Variants in ZC3H14 observed in about 807,000 individuals in gnomAD.
The protein encoded by ZC3H14 is zinc finger CCCH-type containing 14.
In ZC3H14, 31 loss-of-function variants were observed where a neutral mutation model predicts 92.4. The ratio of observed to expected loss-of-function variants is 0.34; its 90% confidence interval spans 0.25 to 0.45. The LOEUF (loss-of-function observed/expected upper bound fraction) is 0.45, where lower values mean the gene tolerates loss of function less well. Ranked by LOEUF, ZC3H14 falls within the 20% of genes least tolerant of loss-of-function variation. ZC3H14 has a pLI of 1.00. For missense variants in ZC3H14, 781 were observed against 897.3 expected (o/e 0.87, Z 1.66); for synonymous variants, 321 against 300.9 (o/e 1.07, Z -0.69).
At chr14:88,566,023 ACCCCG>A (rs2079540519) in intron 2 of ZC3H14, among the ~76,000 whole-genome samples, 1 of 2,914 alleles carries the variant, frequency 3.4e-4, no homozygotes, top group Non-Finnish European at 9.7e-4. Context: ...ACCTGCCACC[ACCCCG>A]CCCCCCCCCC....
rs192842034 is a variant in ZC3H14, at chr14:88,625,754, C to T, written c.*14003C>T. The T allele has an allele frequency of 1.3e-5, 2 of 152,302 alleles. No homozygotes were observed. Among genetic ancestry groups the T allele is most frequent in the East Asian group, 3.9e-4 (2 of 5,186 alleles). 9.4% of individuals were successfully genotyped at this position (152,302 alleles called of 1,614,324 possible). On this transcript the variant is annotated 3_prime_UTR_variant, in exon 17 of 17. Transcript: ENST00000251038. ...TATTAAGAATACCCAAAATGTTCAA[C>T]TGAAATTTGACATGGCACAAACATT...
At chr14:88,566,353 G>A (rs2139469509) in intron 2 of ZC3H14, among the ~76,000 whole-genome samples, 1 of 151,990 alleles carries the variant, frequency 6.6e-6, no homozygotes, top group Admixed American at 6.6e-5. Flanking sequence ...CAAAGAAGGG[G>A]CCCAAGACCA....
Position 88,617,603 on chromosome 14 carries a change from C to G in ZC3H14, c.*5852C>G, listed in dbSNP as rs2087902171. On this transcript the variant is annotated 3_prime_UTR_variant, in exon 17 of 17. Coordinates refer to ENST00000251038, the MANE Select transcript of ZC3H14 (RefSeq NM_024824.5). The stretch of plus-strand genomic sequence containing the variant: ...GGGCAATATTGTGAGATCCCTATCT[C>G]TACAAAAATAAAAATGACTTATGAC... 1 of 151,998 alleles carries G rather than the reference C, an allele frequency of 6.6e-6. No individual in the cohort carries two copies. The highest frequency in any genetic ancestry group is 2.1e-4 in the South Asian group (1 of 4,824). 9.4% of individuals were successfully genotyped at this position (151,998 alleles called of 1,614,324 possible). A position where few individuals can be genotyped will look rare whatever the true frequency, so the allele number is the denominator to read the frequency against.
rs768835036 is a variant in ZC3H14, at chr14:88,626,911, A to G, written c.*15160A>G. The G allele has an allele frequency of 2.3e-5, 37 of 1,613,906 alleles. No individual in the cohort carries two copies. The highest frequency in any genetic ancestry group is 3.0e-5 in the Non-Finnish European group (35 of 1,179,876). ...TGTGCTCAGTAGCCCTTTTTTGCTA[A>G]GAAGAGCTCTTCCTGCCAGGGTCCA... On this transcript the variant is annotated 3_prime_UTR_variant, in exon 17 of 17. Coordinates refer to ENST00000251038, the MANE Select transcript of ZC3H14 (RefSeq NM_024824.5).
At chr14:88,581,316 T>C (rs934463945) in intron 9 of ZC3H14, among the ~76,000 whole-genome samples, 1 of 152,120 alleles carries the variant, frequency 6.6e-6, no homozygotes, top group Non-Finnish European at 1.5e-5. Context: ...CCCAGCACTT[T>C]GGGAAGCCGA....
At chr14:88,604,897 A>T in intron 12 of ZC3H14, among the ~76,000 whole-genome samples, 1 of 152,120 alleles carries the variant, frequency 6.6e-6, no homozygotes, top group East Asian at 1.9e-4. Context: ...CCTGGCCTAT[A>T]GCTTTCAATA....
Position 88,616,086 on chromosome 14 carries a change from TA to T in ZC3H14, c.*4337del. 4.5e-6 allele frequency: 7 copies of T among 1,565,114 alleles called. No homozygotes were observed. The highest frequency in any genetic ancestry group is 6.2e-6 in the Non-Finnish European group (7 of 1,136,000). Reference sequence around the variant, plus strand: ...ACCAAAGCTGTAGGAGTTGTTGTATTAAGTCTCTTAACTAGTAACATAGTCT... The same window carrying T: ...ACCAAAGCTGTAGGAGTTGTTGTATTAGTCTCTTAACTAGTAACATAGTCT... On this transcript the variant is annotated 3_prime_UTR_variant, in exon 17 of 17. Coordinates refer to ENST00000251038, the MANE Select transcript of ZC3H14 (RefSeq NM_024824.5).
At chr14:88,584,252 G>A (rs2082235938) in intron 9 of ZC3H14, among the ~76,000 whole-genome samples, 1 of 152,090 alleles carries the variant, frequency 6.6e-6, no homozygotes, top group African/African-American at 2.4e-5. Context: ...ACACTTATAT[G>A]TGGATTTTTG....
chr14:88,605,451 C>A (rs897857180), intron 12 of ZC3H14, among the ~76,000 whole-genome samples: 3 of 152,190 alleles, frequency 2.0e-5, no homozygotes, highest in African/African-American at 7.2e-5. Context: ...CCCACCTCAG[C>A]CTCCTGAGTA....
chr14:88,579,518 A>T (rs2081620076), intron 9 of ZC3H14, among the ~76,000 whole-genome samples: 1 of 152,232 alleles, frequency 6.6e-6, no homozygotes, highest in Admixed American at 6.5e-5. Flanking sequence ...TTCTTCAAAC[A>T]CAGGACTCTA....
chr14:88,608,993 TTTA>T (rs2086090145), intron 13 of ZC3H14: 1 of 440,888 alleles, frequency 2.3e-6, no homozygotes, highest in African/African-American at 2.0e-5. Flanking sequence ...ATATACCTTT[TTTA>T]TTAAGTGGTG....
Position 88,575,830 on chromosome 14 carries a change from A to T in ZC3H14, c.1023-10A>T. 6.2e-7 allele frequency: 1 copy of T among 1,606,444 alleles called. No individual in the cohort carries two copies. On this transcript the variant is annotated splice_polypyrimidine_tract_variant and intron_variant, in intron 7 of 16. Coordinates refer to ENST00000251038, the MANE Select transcript of ZC3H14 (RefSeq NM_024824.5). ...AAGTTTAATAAAAATACCTTTCTTA[A>T]CTCTTTTAGACCTTCTCTTCCACCT...
chr14:88,572,999 A>G lies in ZC3H14; in HGVS notation c.853A>G (p.Ser285Gly). The G allele has an allele frequency of 6.2e-7, 1 of 1,613,978 alleles. No individual in the cohort carries two copies. Among genetic ancestry groups the G allele is most frequent in the Non-Finnish European group, 8.5e-7 (1 of 1,180,028 alleles). The change falls in exon 6 of 17, where the codon AGT becomes GGT. Residue 285 changes from serine to glycine, a missense_variant. By Grantham distance (56) the Ser-to-Gly change is moderately conservative. This residue lies in a region of ZC3H14 where 454 missense variants were observed against 438.5 expected (regional missense o/e 1.04). Transcript: ENST00000251038. ...PFFRNNSEKM[S>G]MEDENFRKRK... Reference sequence around the variant, plus strand: ...CTTTAGAAACAACTCGGAGAAAATGAGTATGGAGGTTTGTATGTACTTTTA... The same window carrying G: ...CTTTAGAAACAACTCGGAGAAAATGGGTATGGAGGTTTGTATGTACTTTTA...
intron 13 of ZC3H14, 152 bp from the exon 14 acceptor site, chr14:88,609,115 T>C (rs1430264601): frequency 4.4e-6 from 4 of 906,218 alleles, no homozygotes; most frequent in Non-Finnish European, 5.0e-6. Flanking sequence ...TATTTTGATA[T>C]ATGGTCTTAT....
intron 10 of ZC3H14, among the ~76,000 whole-genome samples, chr14:88,599,381 C>T (rs1566961442): frequency 6.6e-6 from 1 of 152,142 alleles, no homozygotes; most frequent in Non-Finnish European, 1.5e-5. Flanking sequence ...AAAAACAAAA[C>T]CCTTATTGAC....
chr14:88,572,520 G>C (rs1466727686), intron 5 of ZC3H14, 58 bp from the exon 6 acceptor site: 11 of 1,592,778 alleles, frequency 6.9e-6, no homozygotes, highest in Non-Finnish European at 9.5e-6. Flanking sequence ...ATTCTTTAAA[G>C]ATTTGGTGAT....
intron 3 of ZC3H14, among the ~76,000 whole-genome samples, chr14:88,569,238 T>G (rs2080087025): frequency 6.6e-6 from 1 of 152,178 alleles, no homozygotes; most frequent in African/African-American, 2.4e-5. Flanking sequence ...CTGGGTTGGC[T>G]TCTTACATTG....
rs1427982544 is a variant in ZC3H14, at chr14:88,612,829, T to G, written c.*1078T>G. 1 of 152,580 alleles carries G rather than the reference T, an allele frequency of 6.6e-6. No homozygotes were observed. The highest frequency in any genetic ancestry group is 1.9e-4 in the East Asian group (1 of 5,200). The allele number at this position is 152,580 out of a possible 1,614,324, so 9.5% of individuals were successfully genotyped here. A position where few individuals can be genotyped will look rare whatever the true frequency, so the allele number is the denominator to read the frequency against. On this transcript the variant is annotated 3_prime_UTR_variant, in exon 17 of 17. Coordinates refer to ENST00000251038, the MANE Select transcript of ZC3H14 (RefSeq NM_024824.5). ...TTTAAAACTGTTAAGGCAAGAAGTG[T>G]CAAATGCTTTAGAGTTAAATAACAG...
chr14:88,572,011 A>G lies in ZC3H14; in HGVS notation c.236-19A>G. 7.0e-6 allele frequency: 11 copies of G among 1,569,912 alleles called. No homozygotes were observed. Among genetic ancestry groups the G allele is most frequent in the Non-Finnish European group, 9.6e-6 (11 of 1,147,296 alleles). On this transcript the variant is annotated intron_variant, in intron 4 of 16. Transcript: ENST00000251038. ...TAAGAAATAAAAATAGATTAAAAGG[A>G]CTGTATTTTTCTTTTCAGAACCCTC...
Sources: gnomAD v4.1 joint callset for allele counts (sites outside exome capture counted in the v4.1 genomes callset) on GRCh38, gnomAD v4.1.1 for gene constraint, gnomAD v4.1.1 regional missense constraint, MANE v1.5 for transcripts, NCBI Gene and HGNC (gene_info 2026-07-23, HGNC 2026-07-21) for gene names.